The following GALNT14 variants were observed in gnomAD, a reference collection of about 807,000 sequenced individuals.
GALNT14 encodes polypeptide N-acetylgalactosaminyltransferase 14.
GALNT14 carries 60 observed loss-of-function variants against 77.5 expected under a neutral mutation model. The ratio of observed to expected loss-of-function variants is 0.77; its 90% confidence interval spans 0.63 to 0.96. GALNT14 has a LOEUF of 0.96. Ranked by LOEUF, GALNT14 falls within the 40% of genes least tolerant of loss-of-function variation. GALNT14 has a pLI of 0.00. For missense variants in GALNT14, 710 were observed against 731.0 expected, an observed-to-expected ratio of 0.97 and a Z score of 0.33; for synonymous variants, 280 against 281.7, an observed-to-expected ratio of 0.99 and a Z score of 0.06.
intron 1 of GALNT14, chr2:31,078,863 AG>A (rs1347907183): frequency 3.7e-5 from 46 of 1,239,856 alleles, no homozygotes; most frequent in Non-Finnish European, 4.8e-5. Flanking sequence ...ACAGGAGAGC[AG>A]GGGAAAGTAG....
intron 1 of GALNT14, among the ~76,000 whole-genome samples, chr2:31,045,615 A>C (rs1673397031): frequency 6.6e-6 from 1 of 151,954 alleles, no homozygotes; most frequent in Non-Finnish European, 1.5e-5. Flanking sequence ...GGCACCCACA[A>C]CCACGCCTGG....
chr2:30,958,027 T>A (rs186612597), intron 4 of GALNT14, among the ~76,000 whole-genome samples: 1 of 152,074 alleles, frequency 6.6e-6, no homozygotes, highest in East Asian at 1.9e-4. Context: ...GGACACAAGG[T>A]AGGAAATGAG....
At chr2:31,109,028 C>G (rs2148622742) in intron 1 of GALNT14, among the ~76,000 whole-genome samples, 1 of 152,326 alleles carries the variant, frequency 6.6e-6, no homozygotes, top group African/African-American at 2.4e-5. Flanking sequence ...GGCTTCTAAC[C>G]TCAACAAGTG....
At chr2:30,932,528 C>A (rs2148254410) in intron 9 of GALNT14, among the ~76,000 whole-genome samples, 1 of 152,308 alleles carries the variant, frequency 6.6e-6, no homozygotes, top group South Asian at 2.1e-4. Context: ...AAGAGAGTTG[C>A]CTTCTAACTT....
the GALNT14 span, among the ~76,000 whole-genome samples, chr2:30,905,434 T>C: frequency 7.9e-5 from 12 of 152,216 alleles, no homozygotes; most frequent in Admixed American, 2.6e-4. Context: ...CAGGAGCCGA[T>C]GCGATCAACT....
intron 1 of GALNT14, among the ~76,000 whole-genome samples, chr2:31,043,334 A>T (rs978676235): frequency 1.3e-5 from 2 of 152,148 alleles, no homozygotes; most frequent in African/African-American, 4.8e-5. Flanking sequence ...TACCTTGTTA[A>T]CTACGCTTAT....
chr2:31,065,218 G>A (rs2148549918), intron 1 of GALNT14: 1 of 152,006 alleles, frequency 6.6e-6, no homozygotes, highest in East Asian at 1.9e-4. Context: ...GGTCTCCAGA[G>A]CCCTGAGGGC....
At chr2:31,132,643 T>A in intron 1 of GALNT14, 1 of 458,762 alleles carries the variant, frequency 2.2e-6, no homozygotes, top group South Asian at 1.6e-5. Flanking sequence ...ACAGACTCCA[T>A]CTTGCTTCTA....
the GALNT14 span, among the ~76,000 whole-genome samples, chr2:30,895,151 G>A: frequency 6.6e-6 from 1 of 152,222 alleles, no homozygotes; most frequent in South Asian, 2.1e-4. Context: ...AGGAGCAGCT[G>A]CATCTTGAAG....
In GALNT14 at chr2:30,977,330, ATCCGCCCACCAGG is replaced by A. The variant is rs1384485132; in HGVS notation, c.300-11041_300-11029del. 3.3e-5 allele frequency among the ~76,000 whole-genome samples: 5 copies of A among 152,216 alleles called. No individual in the cohort carries two copies. In the East Asian group the frequency reaches 9.7e-4, roughly 29 times the overall value. ...GGTCTCGAACTCCTGACCTCAGGTG[ATCCGCCCACCAGG>A]TCCTCCCAAAGTGCTGGGGTTACAG... On this transcript the variant is annotated intron_variant, in intron 2 of 14. Coordinates refer to ENST00000349752, the MANE Select transcript of GALNT14 (RefSeq NM_024572.4).
intron 1 of GALNT14, among the ~76,000 whole-genome samples, chr2:31,086,752 G>T (rs894100999): frequency 1.3e-5 from 2 of 152,126 alleles, no homozygotes; most frequent in Admixed American, 1.3e-4. Flanking sequence ...CTAAGGAATG[G>T]TTGGTGCACT....
intron 1 of GALNT14, among the ~76,000 whole-genome samples, chr2:31,004,048 A>G (rs1157958796): frequency 6.6e-6 from 1 of 152,212 alleles, no homozygotes; most frequent in African/African-American, 2.4e-5. Context: ...CTGGATTGCT[A>G]GTCACTTGTC....
chr2:31,079,607 C>T (rs1676030712), intron 1 of GALNT14, among the ~76,000 whole-genome samples: 1 of 152,170 alleles, frequency 6.6e-6, no homozygotes, highest in Non-Finnish European at 1.5e-5. Context: ...ACCAGACCTC[C>T]CTGTAAGTTG....
chr2:30,909,144 C>G (rs1664233315), downstream of GALNT14, among the ~76,000 whole-genome samples: 1 of 151,804 alleles, frequency 6.6e-6, no homozygotes, highest in South Asian at 2.1e-4. Context: ...AGGACATAGG[C>G]ACGGGCAAGG....
Position 31,047,115 on chromosome 2 carries a change from C to T in GALNT14, c.130-54108G>A, listed in dbSNP as rs560950998. ...CTGAAGAACACAGGTTGCCTAACAG[C>T]AGTGATTAGCAGGGGAGTGCATGCT... is the stretch of plus-strand genomic sequence containing the variant. On this transcript the variant is annotated intron_variant, in intron 1 of 14. Coordinates refer to ENST00000349752, the MANE Select transcript of GALNT14 (RefSeq NM_024572.4). Among the ~76,000 whole-genome samples, 4 of 152,262 alleles carry T rather than the reference C, an allele frequency of 2.6e-5. No homozygotes were observed. In the South Asian group the frequency reaches 8.3e-4, roughly 32 times the overall value.
At chr2:30,945,907 G>A (rs768979073) in intron 6 of GALNT14, 37 bp from the exon 7 acceptor site, 2 of 1,584,370 alleles carry the variant, frequency 1.3e-6, no homozygotes, top group South Asian at 1.1e-5. Context: ...CTTATGGAGA[G>A]GAGCCCAGCT....
At position 31,138,372 on chromosome 2, in the gene GALNT14, TC is replaced by T. The variant is rs1184264749; in HGVS notation, c.-287del. 2 of 404,210 alleles carry T rather than the reference TC, an allele frequency of 4.9e-6. No individual in the cohort carries two copies. Among genetic ancestry groups the T allele is most frequent in the African/African-American group, 4.3e-5 (2 of 46,500 alleles). The allele number at this position is 404,210 out of a possible 1,614,324, so 25.0% of individuals were successfully genotyped here. A position where few individuals can be genotyped will look rare whatever the true frequency, so the allele number is the denominator to read the frequency against. ...AGAAGCGCGGTGGCTGCCGAGATGTTCCCCACGCCGCCACCGCGGCTGCCGC... is the reference window on the plus strand; with the variant it reads ...AGAAGCGCGGTGGCTGCCGAGATGTTCCCACGCCGCCACCGCGGCTGCCGC... On this transcript the variant is annotated 5_prime_UTR_variant, in exon 1 of 15. Transcript: ENST00000349752.
chr2:30,987,803 C>T (rs79568099), intron 2 of GALNT14, among the ~76,000 whole-genome samples: 1 of 151,178 alleles, frequency 6.6e-6, no homozygotes, highest in Non-Finnish European at 1.5e-5. Flanking sequence ...CCCCAACACC[C>T]GCCCTCCTGG....
intron 14 of GALNT14, among the ~76,000 whole-genome samples, chr2:30,911,660 G>T (rs116575159): frequency 6.6e-6 from 1 of 152,188 alleles, no homozygotes. Context: ...TCAGAGAGGA[G>T]GAAATGGACA....
Sources: gnomAD v4.1 joint callset for allele counts (sites outside exome capture counted in the v4.1 genomes callset) on GRCh38, gnomAD v4.1.1 for gene constraint, MANE v1.5 for transcripts, NCBI Gene and HGNC (gene_info 2026-07-23, HGNC 2026-07-21) for gene names.